The following GLIS3 variants were observed in gnomAD, a reference collection of about 807,000 sequenced individuals.
The protein encoded by GLIS3 is GLIS family zinc finger 3.
GLIS3 carries 53 observed loss-of-function variants against 78.6 expected under a neutral mutation model. The observed-to-expected ratio is 0.67, with a 90% CI of 0.54 to 0.85. The LOEUF is 0.85. Ranked by LOEUF, GLIS3 falls within the 40% of genes least tolerant of loss-of-function variation. GLIS3 has a pLI of 0.00. For missense variants in GLIS3, 1,703 were observed against 1,231.1 expected (o/e 1.38, Z -5.74); for synonymous variants, 684 against 509.9 (o/e 1.34, Z -4.60).
chr9:3,875,314 C>A (rs1250109107), intron 8 of GLIS3, among the ~76,000 whole-genome samples: 1 of 152,062 alleles, frequency 6.6e-6, no homozygotes, highest in Non-Finnish European at 1.5e-5. Context: ...AAAAATGGAA[C>A]CTTGTTAGAT....
chr9:4,047,841 C>T (rs546338859), intron 4 of GLIS3, among the ~76,000 whole-genome samples: 7 of 152,264 alleles, frequency 4.6e-5, no homozygotes, highest in South Asian at 2.1e-4. Flanking sequence ...TCTGCTTTTT[C>T]GGTTACATAG....
At chr9:4,111,187 T>A (rs939712132) in intron 4 of GLIS3, among the ~76,000 whole-genome samples, 6 of 152,194 alleles carry the variant, frequency 3.9e-5, no homozygotes, top group African/African-American at 7.2e-5. Flanking sequence ...TTTAAAGACA[T>A]TATTTCAAGG....
At chr9:4,230,207 G>A (rs1274552002) in intron 2 of GLIS3, among the ~76,000 whole-genome samples, 1 of 152,178 alleles carries the variant, frequency 6.6e-6, no homozygotes, top group Non-Finnish European at 1.5e-5. Context: ...GTGAAAACCA[G>A]TAAGCGTCAT....
chr9:4,241,967 G>A (rs1470564822), intron 2 of GLIS3, among the ~76,000 whole-genome samples: 1 of 152,052 alleles, frequency 6.6e-6, no homozygotes, highest in Non-Finnish European at 1.5e-5. Flanking sequence ...TACAGGCATC[G>A]GCCACCGTGC....
At chr9:4,271,823 C>A (rs1031966278) in intron 2 of GLIS3, among the ~76,000 whole-genome samples, 1 of 152,128 alleles carries the variant, frequency 6.6e-6, no homozygotes, top group Non-Finnish European at 1.5e-5. Flanking sequence ...CCCAACAGTA[C>A]ATAGTAAGAT....
chr9:3,981,628 T>C (rs1028331717), intron 4 of GLIS3, among the ~76,000 whole-genome samples: 2 of 152,138 alleles, frequency 1.3e-5, no homozygotes, highest in African/African-American at 4.8e-5. Context: ...ACCTGAAACA[T>C]ATCAGGGGTA....
At chr9:4,022,106 A>C (rs959483868) in intron 4 of GLIS3, among the ~76,000 whole-genome samples, 1 of 152,036 alleles carries the variant, frequency 6.6e-6, no homozygotes, top group African/African-American at 2.4e-5. Flanking sequence ...ATGCCTAGGC[A>C]TTGTGTTAGG....
chr9:4,461,109 T>A, the GLIS3 span, among the ~76,000 whole-genome samples: 1 of 152,136 alleles, frequency 6.6e-6, no homozygotes, highest in Non-Finnish European at 1.5e-5. Flanking sequence ...AATATGTCAC[T>A]CTTTTTCTGT....
intron 5 of GLIS3, among the ~76,000 whole-genome samples, chr9:3,933,193 T>A (rs891871244): frequency 2.0e-5 from 3 of 152,064 alleles, no homozygotes; most frequent in Non-Finnish European, 4.4e-5. Flanking sequence ...TTTTTTTTTT[T>A]AGATGTTGTT....
chr9:4,168,168 C>G (rs1322706463), intron 2 of GLIS3, among the ~76,000 whole-genome samples: 3 of 152,104 alleles, frequency 2.0e-5, no homozygotes, highest in South Asian at 4.2e-4. Flanking sequence ...TCTCTCTCTT[C>G]TCTCTCTCTT....
intron 2 of GLIS3, among the ~76,000 whole-genome samples, chr9:4,206,024 G>C (rs1361988697): frequency 6.6e-6 from 1 of 152,094 alleles, no homozygotes; most frequent in Non-Finnish European, 1.5e-5. Flanking sequence ...ATCTGATTTA[G>C]AAGCTGACAG....
chr9:4,379,506 T>A, the GLIS3 span, among the ~76,000 whole-genome samples: 1,676 of 152,322 alleles, frequency 0.011, 35 homozygotes, highest in African/African-American at 0.039. Flanking sequence ...TATCTAGAGA[T>A]GGGAGATCAA....
chr9:4,398,897 C>T, the GLIS3 span, among the ~76,000 whole-genome samples: 1 of 152,150 alleles, frequency 6.6e-6, no homozygotes, highest in Admixed American at 6.5e-5. Context: ...CCATATTGGC[C>T]AGGCTGGTCT....
rs1056587352 is a variant in GLIS3, at chr9:4,227,295, C to T, written c.388+58743G>A. On this transcript the variant is annotated intron_variant, in intron 2 of 10. Transcript: ENST00000381971. ...CACTCCTAAAGATGGTTCTGGGTCA[C>T]GTTATGTTACCAAAAAAAAAAAAAA... Among the ~76,000 whole-genome samples the T allele has an allele frequency of 7.7e-5, 8 of 104,238 alleles. No individual in the cohort carries two copies. The East Asian group carries it at 9.7e-4, about 13-fold the overall frequency. 68.4% of individuals were successfully genotyped at this position (104,238 alleles called of 152,430 possible).
At chr9:3,841,504 G>A (rs1300755096) in intron 9 of GLIS3, among the ~76,000 whole-genome samples, 1 of 152,186 alleles carries the variant, frequency 6.6e-6, no homozygotes, top group African/African-American at 2.4e-5. Flanking sequence ...GTGGGAAGGA[G>A]AAGCAGCACA....
intron 2 of GLIS3, among the ~76,000 whole-genome samples, chr9:4,192,162 T>A (rs954917647): frequency 6.6e-6 from 1 of 152,164 alleles, no homozygotes; most frequent in Non-Finnish European, 1.5e-5. Context: ...CAGTTTCCCA[T>A]AAAATTTTCA....
intron 4 of GLIS3, among the ~76,000 whole-genome samples, chr9:4,109,649 T>C (rs919372936): frequency 6.6e-6 from 1 of 152,204 alleles, no homozygotes; most frequent in Non-Finnish European, 1.5e-5. Context: ...TCCTAAGATA[T>C]TTTTTATTGA....
At chr9:3,987,356 T>C (rs891395484) in intron 4 of GLIS3, among the ~76,000 whole-genome samples, 4 of 152,030 alleles carry the variant, frequency 2.6e-5, no homozygotes, top group Non-Finnish European at 5.9e-5. Context: ...CCAACATTTG[T>C]ATCATCAGAG....
the GLIS3 span, among the ~76,000 whole-genome samples, chr9:4,456,077 C>T: frequency 6.6e-6 from 1 of 151,968 alleles, no homozygotes; most frequent in East Asian, 1.9e-4. Context: ...CACTGCACTC[C>T]AGCCTGGGCG....
Sources: gnomAD v4.1 joint callset for allele counts (sites outside exome capture counted in the v4.1 genomes callset) on GRCh38, gnomAD v4.1.1 for gene constraint, MANE v1.5 for transcripts, NCBI Gene and HGNC (gene_info 2026-07-23, HGNC 2026-07-21) for gene names.